The following CLCC1 variants were observed in gnomAD, a reference collection of about 807,000 sequenced individuals.
The protein encoded by CLCC1 is chloride channel CLIC like 1.
In CLCC1, 39 loss-of-function variants were observed where a neutral mutation model predicts 63.3. The ratio of observed to expected loss-of-function variants is 0.62; its 90% CI spans 0.48 to 0.81. The LOEUF (loss-of-function observed/expected upper bound fraction) is 0.81, where lower values mean the gene tolerates loss of function less well. Among genes scored for constraint, CLCC1 ranks in the 30% least tolerant of loss-of-function variants. The probability of loss-of-function intolerance (pLI) is 0.00; values close to 1 mark genes in which losing one functional copy is unlikely to be tolerated. For missense variants in CLCC1, 549 were observed against 669.4 expected (o/e 0.82, Z 1.98); for synonymous variants, 217 against 239.8 (o/e 0.90, Z 0.88).
At chr1:108,961,035 T>G (rs1391075331) in intron 2 of CLCC1, among the ~76,000 whole-genome samples, 1 of 152,154 alleles carries the variant, frequency 6.6e-6, no homozygotes, top group Non-Finnish European at 1.5e-5. Flanking sequence ...GTCGTACTAT[T>G]GGCAACTATG....
At chr1:108,935,592 C>T (rs2101617079) in intron 11 of CLCC1, among the ~76,000 whole-genome samples, 1 of 152,120 alleles carries the variant, frequency 6.6e-6, no homozygotes, top group East Asian at 1.9e-4. Context: ...CAGCAAGACC[C>T]CATATCCACA....
chr1:108,951,898 T>C (rs1655226164), intron 2 of CLCC1, among the ~76,000 whole-genome samples: 1 of 151,364 alleles, frequency 6.6e-6, no homozygotes. Flanking sequence ...GCCTCCTGAG[T>C]AGCTGGGACT....
chr1:108,937,285 C>T lies in CLCC1; in HGVS notation c.1175G>A (p.Gly392Glu). ...QEEIDYRPDG[G>E]AGDADFHYRG... The stretch of plus-strand genomic sequence containing the variant: ...ATAATGGAAATCGGCATCACCTGCT[C>T]CACCATCAGGTCTATAATCAATTTC... Residue 392 changes from glycine (G) to glutamate (E), a missense_variant, in exon 11 of 13, where the codon GGA becomes GAA. Physicochemically the swap from Gly to Glu is moderately conservative, Grantham distance 98 (BLOSUM62 -2). Transcript: ENST00000369969. 1 of 1,614,238 alleles carries T rather than the reference C, an allele frequency of 6.2e-7. No individual in the cohort carries two copies. Among genetic ancestry groups the T allele is most frequent in the East Asian group, 2.2e-5 (1 of 44,876 alleles).
At chr1:108,954,735 G>A (rs954468210) in intron 2 of CLCC1, among the ~76,000 whole-genome samples, 1 of 151,166 alleles carries the variant, frequency 6.6e-6, no homozygotes, top group Non-Finnish European at 1.5e-5. Context: ...AATTCATAAT[G>A]AGAATATGGT....
At chr1:108,943,324 G>C in intron 7 of CLCC1, 151 bp downstream of exon 7, 1 of 737,428 alleles carries the variant, frequency 1.4e-6, no homozygotes, top group Non-Finnish European at 2.3e-6. Context: ...TGTCAGCTAA[G>C]AAGTGTCCAT....
chr1:108,963,242 C>A, intron 1 of CLCC1, 119 bp downstream of exon 1: 1 of 605,772 alleles, frequency 1.7e-6, no homozygotes, highest in Non-Finnish European at 3.0e-6. Context: ...GGTCCCCGCC[C>A]CGGGTCGCGC....
At chr1:108,952,617 G>A (rs1028135054) in intron 2 of CLCC1, among the ~76,000 whole-genome samples, 1 of 150,414 alleles carries the variant, frequency 6.6e-6, no homozygotes, top group Non-Finnish European at 1.5e-5. Context: ...TGGCCAACAA[G>A]TTGAAACCCC....
rs752747251 is a variant in CLCC1 at position 108,949,853 on chromosome 1, T to C, written c.198A>G (p.Glu66=). The C allele has an allele frequency of 2.3e-5, 36 of 1,593,222 alleles. No individual in the cohort carries two copies. The highest frequency in any genetic ancestry group is 3.0e-5 in the Non-Finnish European group (35 of 1,172,050). The change falls in exon 4 of 13, where the codon GAA becomes GAG. Residue 66 remains glutamate (E), a synonymous_variant. Coordinates refer to ENST00000369969, the MANE Select transcript of CLCC1 (RefSeq NM_001377458.1). Reference sequence around the variant, plus strand: ...TTAAAGAATCAAGTTTGTGATAACATTCTGATATTTCATCAGCACATGACA... The same window carrying C: ...TTAAAGAATCAAGTTTGTGATAACACTCTGATATTTCATCAGCACATGACA... ...PDLSCADEIS[E]CYHKLDSLTY... is the part of the protein sequence containing the mutation.
In CLCC1 at chr1:108,939,680, G is replaced by T. The variant is rs764801429; in HGVS notation, c.997C>A (p.Leu333Met). 6.2e-7 allele frequency: 1 copy of T among 1,614,124 alleles called. No homozygotes were observed. Reference sequence around the variant, plus strand: ...ATTATCAGCACTGGAAGATGAAGCAGCGCTGGAATTTCCTTCATGAGTGCT... The same window carrying T: ...ATTATCAGCACTGGAAGATGAAGCATCGCTGGAATTTCCTTCATGAGTGCT... ...IKALMKEIPA[L>M]LHLPVLIIMA... The change falls in exon 10 of 13, where the codon CTG becomes ATG. Residue 333 changes from leucine (L) to methionine (M), a missense_variant. Physicochemically the swap from Leu to Met is conservative, Grantham distance 15. Coordinates refer to ENST00000369969, the MANE Select transcript of CLCC1 (RefSeq NM_001377458.1).
At position 108,949,883 on chromosome 1, in the gene CLCC1, AG is replaced by A; in HGVS notation, c.167del (p.Pro56LeufsTer19). 6.2e-7 allele frequency: 1 copy of A among 1,603,798 alleles called. No individual in the cohort carries two copies. The highest frequency in any genetic ancestry group is 8.5e-7 in the Non-Finnish European group (1 of 1,176,676). ...ATATTTCATCAGCACATGACAAGTCAGGACTGACATCCTTTTCCCCTGAAAT... is the reference window on the plus strand; with the variant it reads ...ATATTTCATCAGCACATGACAAGTCAGACTGACATCCTTTTCCCCTGAAAT... ...YGISGEKDVS[P>X]DLSCADEISE... On this transcript the variant is annotated frameshift_variant, in exon 4 of 13. Coordinates refer to ENST00000369969, the MANE Select transcript of CLCC1 (RefSeq NM_001377458.1). LOFTEE classifies it high-confidence loss of function.
chr1:108,957,222 T>C (rs1388849815), intron 2 of CLCC1, among the ~76,000 whole-genome samples: 22 of 151,538 alleles, frequency 1.5e-4, no homozygotes. Flanking sequence ...ACTAGGCATA[T>C]TTCTTCTTCC....
At chr1:108,948,394 C>T (rs192422845) in intron 4 of CLCC1, among the ~76,000 whole-genome samples, 57 of 152,200 alleles carry the variant, frequency 3.7e-4, no homozygotes, top group Non-Finnish European at 5.0e-4. Flanking sequence ...GCAGGCAAGT[C>T]GCTGAGGGTA....
chr1:108,943,414 G>C (rs1265745314), intron 7 of CLCC1, 61 bp downstream of exon 7: 4 of 1,542,434 alleles, frequency 2.6e-6, no homozygotes, highest in East Asian at 2.2e-5. Context: ...CAATGGATTA[G>C]AGTCTTCTTT....
rs1651673620 is a variant in CLCC1, at chr1:108,930,136, G to A, written c.*2411C>T. The A allele has an allele frequency of 3.4e-6, 2 of 581,974 alleles. No homozygotes were observed. The highest frequency in any genetic ancestry group is 2.2e-5 in the South Asian group (1 of 44,616). 36.1% of individuals were successfully genotyped at this position (581,974 alleles called of 1,614,324 possible). On this transcript the variant is annotated 3_prime_UTR_variant, in exon 13 of 13. Transcript: ENST00000369969. Reference sequence around the variant, plus strand: ...GCGCGTTTGAGGGTGGAGGGGTCCTGTAAGGTGCTTCATCGTCTGTGATTA... The same window carrying A: ...GCGCGTTTGAGGGTGGAGGGGTCCTATAAGGTGCTTCATCGTCTGTGATTA...
rs116840400 is a variant in CLCC1 at position 108,951,594 on chromosome 1, T to C, written c.-11-1146A>G. 5.0e-3 allele frequency among the ~76,000 whole-genome samples: 765 copies of C among 152,200 alleles called. 11 individuals carry two copies. The highest frequency in any genetic ancestry group is 0.017 in the African/African-American group (717 of 41,500). ...GTACATATATATGAAATGTCCAGAA[T>C]AGGCAAATCTATTAAGACAGAAAGT... On this transcript the variant is annotated intron_variant, in intron 2 of 12. Transcript: ENST00000369969.
rs1418963515 is a variant in CLCC1, at chr1:108,931,786, TA to T, written c.*760del. 1 of 208,112 alleles carries T rather than the reference TA, an allele frequency of 4.8e-6. No homozygotes were observed. The highest frequency in any genetic ancestry group is 9.5e-6 in the Non-Finnish European group (1 of 105,040). The allele number at this position is 208,112 out of a possible 1,614,324, so 12.9% of individuals were successfully genotyped here. ...TAAGACAATATACCAAACCACAACG[TA>T]AAAAGTTTGTGTATACAAACTTTTT... On this transcript the variant is annotated 3_prime_UTR_variant, in exon 13 of 13. Coordinates refer to ENST00000369969, the MANE Select transcript of CLCC1 (RefSeq NM_001377458.1).
At chr1:108,939,826 A>C in intron 9 of CLCC1, 44 bp from the exon 10 acceptor site, 1 of 1,594,500 alleles carries the variant, frequency 6.3e-7, no homozygotes, top group South Asian at 1.1e-5. Context: ...TCACAGGACT[A>C]AGGTACAGAA....
chr1:108,939,202 AATATAT>A (rs1488334408), intron 10 of CLCC1, among the ~76,000 whole-genome samples: 5 of 146,482 alleles, frequency 3.4e-5, no homozygotes, highest in African/African-American at 5.0e-5. Context: ...TATAAATATA[AATATAT>A]AATATATAAA....
intron 5 of CLCC1, among the ~76,000 whole-genome samples, chr1:108,945,668 GT>G (rs1334176698): frequency 6.6e-6 from 1 of 152,200 alleles, no homozygotes; most frequent in African/African-American, 2.4e-5. Context: ...TTTCCTGACA[GT>G]TTTCAGATAG....
Sources: gnomAD v4.1 joint callset for allele counts (sites outside exome capture counted in the v4.1 genomes callset) on GRCh38, gnomAD v4.1.1 for gene constraint, MANE v1.5 for transcripts, NCBI Gene and HGNC (gene_info 2026-07-23, HGNC 2026-07-21) for gene names.